The following IPO7 variants were observed in gnomAD, a reference collection of about 807,000 sequenced individuals.
IPO7 encodes the protein importin-7.
In IPO7, 13 loss-of-function variants were observed where a neutral mutation model predicts 136.4. That is an observed-to-expected ratio of 0.10 (90% CI 0.06 to 0.15). The LOEUF is 0.15. Ranked by LOEUF, IPO7 falls within the 10% of genes least tolerant of loss-of-function variation. The pLI, the probability that IPO7 is intolerant of heterozygous loss-of-function variation, is 1.00. For synonymous variants in IPO7, 403 were observed against 404.4 expected (o/e 1.00, Z 0.04); for missense variants, 857 against 1,240.6 (o/e 0.69, Z 4.65).
At chr11:9,439,023 C>G (rs956028153) in intron 22 of IPO7, among the ~76,000 whole-genome samples, 12 of 152,126 alleles carry the variant, frequency 7.9e-5, no homozygotes, top group Admixed American at 7.9e-4. Flanking sequence ...CCTATAGTCC[C>G]AGCTACTTGG....
chr11:9,436,648 GT>G (rs1855372423), intron 20 of IPO7, among the ~76,000 whole-genome samples: 1 of 150,508 alleles, frequency 6.6e-6, no homozygotes, highest in African/African-American at 2.4e-5. Flanking sequence ...TCCATGGTCA[GT>G]TTTTTTGTTT....
rs1050615666 is a variant in IPO7 at position 9,437,928 on chromosome 11, A to G, written c.2443A>G (p.Asn815Asp). The change falls in exon 21 of 25, where the codon AAT (asparagine) becomes GAT (aspartate). Residue 815 changes from asparagine to aspartate, a missense_variant. By Grantham distance (23) the Asn-to-Asp change is conservative (BLOSUM62 1). Around this residue, in one of 11 missense-constraint regions of IPO7, gnomAD observed 190 missense variants for 249.0 expected, o/e 0.76. Transcript: ENST00000379719. ...CCCTAATAATGTTGAACCAGTTACAAATCATTTTATTACACAGTGGCTTAA... is the reference window on the plus strand; with the variant it reads ...CCCTAATAATGTTGAACCAGTTACAGATCATTTTATTACACAGTGGCTTAA... ...RFPNNVEPVTNHFITQWLNDV... is the reference protein window; with the variant it reads ...RFPNNVEPVTDHFITQWLNDV... 1 of 1,613,906 alleles carries G rather than the reference A, an allele frequency of 6.2e-7. No individual in the cohort carries two copies. Among genetic ancestry groups the G allele is most frequent in the Non-Finnish European group, 8.5e-7 (1 of 1,179,850 alleles).
At chr11:9,422,909 C>T in intron 8 of IPO7, 97 bp from the exon 9 acceptor site, 1 of 620,796 alleles carries the variant, frequency 1.6e-6, no homozygotes. Context: ...TGATGATGAG[C>T]TTGTCATTAA....
At chr11:9,404,706 C>T (rs1426558849) in intron 2 of IPO7, among the ~76,000 whole-genome samples, 1 of 150,338 alleles carries the variant, frequency 6.7e-6, no homozygotes, top group African/African-American at 2.4e-5. Context: ...GCTGGGACCA[C>T]AGGCGCCCGC....
chr11:9,403,454 G>T, intron 2 of IPO7, 83 bp downstream of exon 2: 2 of 1,056,308 alleles, frequency 1.9e-6, no homozygotes, highest in Non-Finnish European at 1.4e-6. Flanking sequence ...TCTTGGGATG[G>T]CCCTTTGGCA....
At chr11:9,442,235 CTT>C (rs759978838) in intron 24 of IPO7, 38 bp downstream of exon 24, 1 of 879,702 alleles carries the variant, frequency 1.1e-6, no homozygotes, top group Non-Finnish European at 1.9e-6. Flanking sequence ...TAATTAGTGA[CTT>C]TTATAGGTTT....
intron 20 of IPO7, 78 bp from the exon 21 acceptor site, chr11:9,437,676 A>G (rs1196688949): frequency 3.8e-6 from 4 of 1,048,484 alleles, no homozygotes; most frequent in African/African-American, 1.6e-5. Flanking sequence ...AATTGAGGCA[A>G]CAAAGAAGTT....
At chr11:9,435,181 C>A (rs1483110751) in intron 19 of IPO7, 150 bp downstream of exon 19, 1 of 595,280 alleles carries the variant, frequency 1.7e-6, no homozygotes. Flanking sequence ...AGTCATTGGT[C>A]CCTAGATGCC....
At chr11:9,427,065 G>T (rs943883116) in intron 12 of IPO7, among the ~76,000 whole-genome samples, 6 of 152,028 alleles carry the variant, frequency 3.9e-5, no homozygotes, top group Non-Finnish European at 5.9e-5. Flanking sequence ...GGCCAGGCTG[G>T]TCTCAAACTC....
rs768159035 is a variant in IPO7, at chr11:9,423,134, T to C, written c.1035T>C (p.His345=). The change falls in exon 9 of 25, where the codon CAT becomes CAC. Residue 345 remains histidine (H), a synonymous_variant. Transcript: ENST00000379719. Reference sequence around the variant, plus strand: ...TCACCTGGAAGAATCTGAAGCCCCATATACAAGTAATAATTTTTATCTGAA... The same window carrying C: ...TCACCTGGAAGAATCTGAAGCCCCACATACAAGTAATAATTTTTATCTGAA... ...HALTWKNLKP[H]IQGIIQDVIF... 3 of 1,546,590 alleles carry C rather than the reference T, an allele frequency of 1.9e-6. No individual in the cohort carries two copies. The Middle Eastern group carries it at 5.2e-4, about 269-fold the overall frequency.
At chr11:9,413,570 C>G (rs912687076) in intron 4 of IPO7, among the ~76,000 whole-genome samples, 1 of 151,908 alleles carries the variant, frequency 6.6e-6, no homozygotes, top group Non-Finnish European at 1.5e-5. Flanking sequence ...TTCCAGTTGC[C>G]TAGGTTCATG....
At chr11:9,408,104 G>A (rs1227938014) in intron 2 of IPO7, among the ~76,000 whole-genome samples, 1 of 152,098 alleles carries the variant, frequency 6.6e-6, no homozygotes, top group Non-Finnish European at 1.5e-5. Flanking sequence ...GTGATTAGTT[G>A]TAGAAGCTAT....
At chr11:9,392,685 A>G (rs1486753907) in intron 1 of IPO7, among the ~76,000 whole-genome samples, 1 of 152,110 alleles carries the variant, frequency 6.6e-6, no homozygotes, top group Non-Finnish European at 1.5e-5. Context: ...GCGGTGGCTC[A>G]GGCCTGTTAT....
chr11:9,395,408 T>G (rs1311755424), intron 1 of IPO7, among the ~76,000 whole-genome samples: 3 of 151,948 alleles, frequency 2.0e-5, no homozygotes, highest in Non-Finnish European at 2.9e-5. Context: ...TGTGCCCGGT[T>G]AATTGTATGT....
intron 2 of IPO7, chr11:9,403,670 T>C: frequency 3.4e-6 from 1 of 290,558 alleles, no homozygotes; most frequent in Admixed American, 5.0e-5. Flanking sequence ...GACTCAAACA[T>C]GTTTGTTTAT....
chr11:9,405,135 G>T (rs2133733126), intron 2 of IPO7, among the ~76,000 whole-genome samples: 1 of 152,042 alleles, frequency 6.6e-6, no homozygotes. Flanking sequence ...AGACAAACTG[G>T]CTGTATTGCC....
intron 12 of IPO7, among the ~76,000 whole-genome samples, chr11:9,427,457 AC>A (rs1855228222): frequency 6.6e-6 from 1 of 150,836 alleles, no homozygotes; most frequent in South Asian, 2.1e-4. Context: ...ATGGGGTTTC[AC>A]CATGTTGGCC....
rs200325949 is a variant in IPO7 at position 9,408,499 on chromosome 11, G to A, written c.180G>A (p.Leu60=). ...LPVRQAGVIY[L]KNMITQYWPD... ...TCTGTATTTTAGGTGTTATCTATCT[G>A]AAAAATATGATAACACAGTATTGGC... Residue 60 remains leucine (L), a synonymous_variant, in exon 3 of 25, where the codon CTG becomes CTA. Coordinates refer to ENST00000379719, the MANE Select transcript of IPO7 (RefSeq NM_006391.3). The A allele has an allele frequency of 2.2e-5, 35 of 1,565,818 alleles. No homozygotes were observed. The highest frequency in any genetic ancestry group is 1.9e-4 in the African/African-American group (14 of 72,340).
intron 12 of IPO7, among the ~76,000 whole-genome samples, chr11:9,425,709 A>G (rs1855194588): frequency 6.6e-6 from 1 of 152,062 alleles, no homozygotes; most frequent in Non-Finnish European, 1.5e-5. Flanking sequence ...CCCCGTCTCT[A>G]CTAAAAATAA....
Sources: gnomAD v4.1 joint callset for allele counts (sites outside exome capture counted in the v4.1 genomes callset) on GRCh38, gnomAD v4.1.1 for gene constraint, gnomAD v4.1.1 regional missense constraint, MANE v1.5 for transcripts, NCBI Gene and HGNC (gene_info 2026-07-23, HGNC 2026-07-21) for gene names.